Variants in TMPRSS11F observed in about 807,000 individuals in gnomAD.
TMPRSS11F encodes the protein transmembrane protease serine 11F.
TMPRSS11F carries 47 observed loss-of-function variants against 60.2 expected under a neutral mutation model. That is an observed-to-expected ratio of 0.78 (90% CI 0.62 to 1.00). TMPRSS11F has a LOEUF of 1.00. Among genes scored for constraint, TMPRSS11F ranks in the 50% least tolerant of loss-of-function variants. The pLI, the probability that TMPRSS11F is intolerant of heterozygous loss-of-function variation, is 0.00. For synonymous variants in TMPRSS11F, 166 were observed against 167.3 expected, an observed-to-expected ratio of 0.99 and a Z score of 0.06; for missense variants, 519 against 522.9, an observed-to-expected ratio of 0.99 and a Z score of 0.07.
At chr4:68,103,934 T>C (rs995777526) in intron 1 of TMPRSS11F, among the ~76,000 whole-genome samples, 4 of 152,186 alleles carry the variant, frequency 2.6e-5, no homozygotes, top group African/African-American at 9.7e-5. Context: ...AGAATTGTTT[T>C]CTTCATTTAT....
At chr4:68,087,207 C>T (rs1249961539) in intron 3 of TMPRSS11F, among the ~76,000 whole-genome samples, 1 of 152,054 alleles carries the variant, frequency 6.6e-6, no homozygotes, top group African/African-American at 2.4e-5. Flanking sequence ...ATGCAAGTGG[C>T]TCAACATACA....
At chr4:68,081,419 T>C (rs756887201) in intron 3 of TMPRSS11F, among the ~76,000 whole-genome samples, 1 of 152,246 alleles carries the variant, frequency 6.6e-6, no homozygotes, top group Non-Finnish European at 1.5e-5. Flanking sequence ...TATTTATTTT[T>C]ATCTAAACAA....
intron 8 of TMPRSS11F, chr4:68,062,413 T>TA (rs750887392): frequency 8.6e-5 from 51 of 590,404 alleles, no homozygotes; most frequent in Non-Finnish European, 1.4e-4. Context: ...CCATAGAACT[T>TA]AAAGCATTTT....
At chr4:68,129,251 A>G (rs1466178193) in intron 1 of TMPRSS11F, among the ~76,000 whole-genome samples, 1 of 152,170 alleles carries the variant, frequency 6.6e-6, no homozygotes, top group African/African-American at 2.4e-5. Context: ...GAGTTCAATT[A>G]TGATGATACA....
chr4:68,092,785 A>T (rs774713211), intron 2 of TMPRSS11F, among the ~76,000 whole-genome samples: 3 of 152,210 alleles, frequency 2.0e-5, no homozygotes, highest in Admixed American at 2.0e-4. Context: ...ATTATCATAT[A>T]CATATCCCTA....
chr4:68,113,787 T>C (rs778719526), intron 1 of TMPRSS11F, among the ~76,000 whole-genome samples: 6 of 152,240 alleles, frequency 3.9e-5, no homozygotes, highest in Middle Eastern at 3.4e-3. Context: ...CTTGACCTAG[T>C]TGACATTTAT....
rs34041075 is a variant in TMPRSS11F, at chr4:68,105,049, G to GTTTT, written c.12-6015_12-6012dup. Among the ~76,000 whole-genome samples the GTTTT allele has an allele frequency of 1.7e-3, 93 of 55,188 alleles. 4 individuals carry two copies. Among genetic ancestry groups the GTTTT allele is most frequent in the Middle Eastern group, 0.026 (1 of 38 alleles). The allele number at this position is 55,188 out of a possible 152,430, so 36.2% of individuals were successfully genotyped here. A position where few individuals can be genotyped will look rare whatever the true frequency, so the allele number is the denominator to read the frequency against. On this transcript the variant is annotated intron_variant, in intron 1 of 9. Transcript: ENST00000356291. The stretch of plus-strand genomic sequence containing the variant: ...ATGTGTTAGAAATCATTCCCTCTAG[G>GTTTT]TTTTTTTTTTTTTTTTTTTTTTTTT...
chr4:68,054,050 A>T lies in TMPRSS11F; in HGVS notation c.1176T>A (p.Pro392=). 1.2e-6 allele frequency: 2 copies of T among 1,612,510 alleles called. No homozygotes were observed. The highest frequency in any genetic ancestry group is 1.7e-6 in the Non-Finnish European group (2 of 1,179,042). The change falls in exon 10 of 10, where the codon CCT becomes CCA. Residue 392 remains proline, a synonymous_variant. Transcript: ENST00000356291. ...AGATGTCATGATTATCATAAACCAG[A>T]GGTCCACCAGAATCTCCCTGAAATA... The part of the protein sequence containing the change: ...IDACKGDSGG[P]LVYDNHDIWY...
intron 8 of TMPRSS11F, chr4:68,063,146 A>C (rs375166825): frequency 7.8e-5 from 48 of 612,338 alleles, no homozygotes; most frequent in Non-Finnish European, 1.3e-4. Context: ...AGAGAAAAAG[A>C]AGCAGCATCA....
chr4:68,124,521 G>T (rs1007515420), intron 1 of TMPRSS11F, among the ~76,000 whole-genome samples: 1 of 152,266 alleles, frequency 6.6e-6, no homozygotes, highest in Admixed American at 6.5e-5. Context: ...TAAAGAAAAA[G>T]ATGAAGCTGT....
At chr4:68,116,300 T>C (rs1724517630) in intron 1 of TMPRSS11F, among the ~76,000 whole-genome samples, 1 of 152,160 alleles carries the variant, frequency 6.6e-6, no homozygotes, top group Non-Finnish European at 1.5e-5. Flanking sequence ...GTACCTCCAC[T>C]TTAGAAACTG....
rs578077406 is a variant in TMPRSS11F, at chr4:68,066,920, C to A, written c.755+1698G>T. Among the ~76,000 whole-genome samples, 56 of 138,856 alleles carry A rather than the reference C, an allele frequency of 4.0e-4. 5 individuals are homozygous for A. The highest frequency in any genetic ancestry group is 3.5e-3 in the East Asian group (17 of 4,864). The allele number at this position is 138,856 out of a possible 152,430, so 91.1% of individuals were successfully genotyped here. A position where few individuals can be genotyped will look rare whatever the true frequency, so the allele number is the denominator to read the frequency against. On this transcript the variant is annotated intron_variant, in intron 7 of 9. Coordinates refer to ENST00000356291, the MANE Select transcript of TMPRSS11F (RefSeq NM_207407.2). ...CTGCACTCTGGCCTGGGCAAAAGAG[C>A]GAGACTTCATCTCAAAAAAAAAAAA...
chr4:68,122,832 A>G (rs1724648236), intron 1 of TMPRSS11F, among the ~76,000 whole-genome samples: 1 of 152,212 alleles, frequency 6.6e-6, no homozygotes, highest in East Asian at 1.9e-4. Context: ...TTCCTAATAC[A>G]CTTTAAAAAA....
chr4:68,117,398 G>A (rs1050768913), intron 1 of TMPRSS11F, among the ~76,000 whole-genome samples: 2 of 147,060 alleles, frequency 1.4e-5, no homozygotes, highest in Admixed American at 7.0e-5. Context: ...ACCCTGGGTG[G>A]CAGAGCCTGC....
At chr4:68,072,043 T>A (rs1356391319) in intron 5 of TMPRSS11F, among the ~76,000 whole-genome samples, 1 of 151,588 alleles carries the variant, frequency 6.6e-6, no homozygotes, top group Non-Finnish European at 1.5e-5. Flanking sequence ...ATACTTACCC[T>A]TTGGAACTTT....
intron 7 of TMPRSS11F, among the ~76,000 whole-genome samples, chr4:68,066,890 T>C (rs2109838981): frequency 6.8e-6 from 1 of 147,156 alleles, no homozygotes; most frequent in South Asian, 2.1e-4. Context: ...GCTGAGATAG[T>C]GCCACTGCAC....
chr4:68,097,554 G>C (rs1029989030), intron 2 of TMPRSS11F, among the ~76,000 whole-genome samples: 5 of 151,378 alleles, frequency 3.3e-5, no homozygotes, highest in Non-Finnish European at 7.4e-5. Flanking sequence ...ATCTGGAAAG[G>C]CCTTTTTGCT....
chr4:68,098,607 T>C (rs1197504650), intron 2 of TMPRSS11F, among the ~76,000 whole-genome samples: 2 of 152,218 alleles, frequency 1.3e-5, no homozygotes, highest in African/African-American at 2.4e-5. Context: ...GCACATTATG[T>C]AATTTGTCTT....
At chr4:68,095,666 G>A (rs1386461577) in intron 2 of TMPRSS11F, among the ~76,000 whole-genome samples, 2 of 152,024 alleles carry the variant, frequency 1.3e-5, no homozygotes, top group African/African-American at 4.8e-5. Flanking sequence ...GGGAGGCCAA[G>A]TCGGGCAGAT....
Sources: gnomAD v4.1 joint callset for allele counts (sites outside exome capture counted in the v4.1 genomes callset) on GRCh38, gnomAD v4.1.1 for gene constraint, MANE v1.5 for transcripts, NCBI Gene and HGNC (gene_info 2026-07-23, HGNC 2026-07-21) for gene names.